The following SETD2 variants were observed in gnomAD, a reference collection of about 807,000 sequenced individuals.
The protein encoded by SETD2 is histone-lysine N-methyltransferase SETD2.
In SETD2, 31 loss-of-function variants were observed where a neutral mutation model predicts 242.1. The observed-to-expected ratio is 0.13, with a 90% CI of 0.10 to 0.17. The LOEUF is 0.17. SETD2 is among the 10% of genes least tolerant of loss of function. The pLI is 1.00. For missense variants in SETD2, 2,481 were observed against 3,046.3 expected, an observed-to-expected ratio of 0.81 and a Z score of 4.37; for synonymous variants, 1,006 against 1,066.5, an observed-to-expected ratio of 0.94 and a Z score of 1.11.
rs189473163 is a variant in SETD2, at chr3:47,064,261, T to C, written c.6110-1915A>G. 5.3e-5 allele frequency among the ~76,000 whole-genome samples: 8 copies of C among 152,294 alleles called. No individual in the cohort carries two copies. In the East Asian group the frequency reaches 1.5e-3, roughly 29 times the overall value. The stretch of plus-strand genomic sequence containing the variant: ...TTAGGTGGCCCAAAACCCCAAGTAT[T>C]TGCAACATGGTTACTAAACTACAGC... On this transcript the variant is annotated intron_variant, in intron 13 of 20. Coordinates refer to ENST00000409792, the MANE Select transcript of SETD2 (RefSeq NM_014159.7).
chr3:47,145,417 G>A, intron 1 of SETD2: 1 of 298,496 alleles, frequency 3.4e-6, no homozygotes, highest in South Asian at 2.9e-5. Flanking sequence ...AAGAGACGGG[G>A]TCTTGCTTTG....
chr3:47,148,792 T>G (rs1051660259), intron 1 of SETD2, among the ~76,000 whole-genome samples: 1 of 152,162 alleles, frequency 6.6e-6, no homozygotes, highest in Admixed American at 6.5e-5. Context: ...CCAGGCACGG[T>G]GGCTCACGCC....
chr3:47,092,158 A>C (rs2041832368), intron 9 of SETD2, among the ~76,000 whole-genome samples: 1 of 152,238 alleles, frequency 6.6e-6, no homozygotes, highest in Non-Finnish European at 1.5e-5. Context: ...TAAGTTTTGC[A>C]AACAAAATAA....
At chr3:47,080,854 G>A (rs1241367519) in intron 12 of SETD2, 2 of 986,682 alleles carry the variant, frequency 2.0e-6, no homozygotes, top group Non-Finnish European at 2.4e-6. Flanking sequence ...TCCATTGTCG[G>A]CAATGGACGC....
intron 15 of SETD2, among the ~76,000 whole-genome samples, chr3:47,049,322 TA>T (rs1389008196): frequency 5.0e-5 from 1 of 19,898 alleles, no homozygotes; most frequent in Non-Finnish European, 9.5e-5. Flanking sequence ...TATATATATA[TA>T]TATATATATA....
intron 15 of SETD2, among the ~76,000 whole-genome samples, chr3:47,053,096 C>T (rs894749378): frequency 2.0e-5 from 3 of 151,942 alleles, no homozygotes; most frequent in African/African-American, 7.2e-5. Flanking sequence ...CCATGTTGGC[C>T]AGACTGGTCT....
intron 1 of SETD2, among the ~76,000 whole-genome samples, chr3:47,147,932 A>G (rs1417809980): frequency 6.6e-6 from 1 of 151,492 alleles, no homozygotes; most frequent in African/African-American, 2.4e-5. Context: ...AAAAAAAAAA[A>G]AAAAAAAGAT....
At chr3:47,110,880 T>C (rs1168514001) in intron 5 of SETD2, among the ~76,000 whole-genome samples, 1 of 151,940 alleles carries the variant, frequency 6.6e-6, no homozygotes, top group African/African-American at 2.4e-5. Context: ...CATATATCCT[T>C]TCCTCCCTTC....
chr3:47,112,565 A>C (rs1285368676), intron 5 of SETD2, among the ~76,000 whole-genome samples: 6 of 151,664 alleles, frequency 4.0e-5, no homozygotes, highest in African/African-American at 1.2e-4. Context: ...TACAGGCGTG[A>C]ACCACCACGT....
At chr3:47,055,699 T>C (rs1443578835) in intron 15 of SETD2, among the ~76,000 whole-genome samples, 1 of 150,204 alleles carries the variant, frequency 6.7e-6, no homozygotes, top group East Asian at 1.9e-4. Flanking sequence ...TCTCTTAAAA[T>C]AAAATAAAAA....
chr3:47,078,545 T>G (rs1449245122), intron 12 of SETD2, among the ~76,000 whole-genome samples: 1 of 105,722 alleles, frequency 9.5e-6, no homozygotes, highest in Non-Finnish European at 2.0e-5. Context: ...TTTTTTTTTT[T>G]GCTATAAAGG....
chr3:47,126,206 G>C (rs2043322353), intron 2 of SETD2, among the ~76,000 whole-genome samples: 1 of 152,146 alleles, frequency 6.6e-6, no homozygotes, highest in Non-Finnish European at 1.5e-5. Context: ...ATTTTTAGTA[G>C]AGATGGGGTT....
chr3:47,150,085 A>C (rs2043950585), intron 1 of SETD2, among the ~76,000 whole-genome samples: 1 of 124,234 alleles, frequency 8.0e-6, no homozygotes, highest in Non-Finnish European at 1.6e-5. Flanking sequence ...GCTGGAGTGC[A>C]GTGGCGCAAT....
At chr3:47,089,118 T>A (rs2041689251) in intron 9 of SETD2, among the ~76,000 whole-genome samples, 1 of 152,198 alleles carries the variant, frequency 6.6e-6, no homozygotes, top group Non-Finnish European at 1.5e-5. Context: ...AAGCTGAACT[T>A]TTTAGTGATA....
chr3:47,027,825 G>A (rs532543657), intron 18 of SETD2, among the ~76,000 whole-genome samples: 9 of 149,230 alleles, frequency 6.0e-5, no homozygotes, highest in Non-Finnish European at 8.9e-5. Context: ...ATGGAGTCTC[G>A]CTGTTGCCCA....
At chr3:47,103,703 A>G (rs1462374323) in intron 6 of SETD2, among the ~76,000 whole-genome samples, 2 of 151,812 alleles carry the variant, frequency 1.3e-5, no homozygotes, top group Non-Finnish European at 2.9e-5. Flanking sequence ...ACAAAGGAAA[A>G]GCATTAAGAC....
At chr3:47,098,345 C>T (rs557514862) in intron 8 of SETD2, 22 of 272,922 alleles carry the variant, frequency 8.1e-5, no homozygotes, top group Non-Finnish European at 1.5e-4. Context: ...ATGAGAATAC[C>T]TAGTAATATG....
intron 15 of SETD2, among the ~76,000 whole-genome samples, chr3:47,049,221 G>C (rs1387731300): frequency 6.7e-6 from 1 of 149,736 alleles, no homozygotes; most frequent in Non-Finnish European, 1.5e-5. Flanking sequence ...TGGGATTACA[G>C]ATGTGAGACA....
intron 2 of SETD2, among the ~76,000 whole-genome samples, chr3:47,125,130 C>T (rs1575821727): frequency 6.6e-6 from 1 of 151,940 alleles, no homozygotes; most frequent in Middle Eastern, 3.4e-3. Flanking sequence ...ACCAGCCTGG[C>T]CAACATAATG....
Sources: gnomAD v4.1 joint callset for allele counts (sites outside exome capture counted in the v4.1 genomes callset) on GRCh38, gnomAD v4.1.1 for gene constraint, MANE v1.5 for transcripts, NCBI Gene and HGNC (gene_info 2026-07-23, HGNC 2026-07-21) for gene names.